HS1BP3: variants seen among roughly 807,000 people sequenced by gnomAD.
HS1BP3 encodes the protein HCLS1 binding protein 3.
Under a neutral mutation model 33.5 loss-of-function variants are expected in HS1BP3, and 32 were observed. That is an observed-to-expected ratio of 0.95 (90% confidence interval 0.72 to 1.28). The LOEUF (loss-of-function observed/expected upper bound fraction) is 1.28. HS1BP3 is among the 50% of genes most tolerant of loss of function. HS1BP3 has a pLI of 0.00. For synonymous variants in HS1BP3, 187 were observed against 209.2 expected (o/e 0.89, Z 0.92); for missense variants, 486 against 502.3 (o/e 0.97, Z 0.31).
intron 1 of HS1BP3, among the ~76,000 whole-genome samples, 196 bp from the exon 2 acceptor site, chr2:20,645,701 G>T (rs13406194): frequency 0.13 from 20,488 of 152,188 alleles, 1,634 homozygotes; most frequent in African/African-American, 0.22. Context: ...AGGCCTCGAG[G>T]CCTCGGACCT....
At chr2:20,564,960 G>A (rs987754354) in intron 5 of HS1BP3, among the ~76,000 whole-genome samples, 8 of 152,232 alleles carry the variant, frequency 5.3e-5, no homozygotes, top group African/African-American at 1.9e-4. Flanking sequence ...TGGCAGACAA[G>A]TAGGCATCGT....
downstream of HS1BP3, among the ~76,000 whole-genome samples, chr2:20,556,593 CA>C (rs1439711899): frequency 6.6e-6 from 1 of 152,146 alleles, no homozygotes; most frequent in Non-Finnish European, 1.5e-5. Context: ...ACTATGATTA[CA>C]AAAACAGTAC....
At chr2:20,593,194 C>A (rs1250062739) in intron 3 of HS1BP3, among the ~76,000 whole-genome samples, 1 of 151,956 alleles carries the variant, frequency 6.6e-6, no homozygotes, top group Non-Finnish European at 1.5e-5. Context: ...CAGGTTTAGT[C>A]AATTGTTTGG....
At chr2:20,566,169 ACTCCTTGGGGAGCC>A (rs1448948049) in intron 5 of HS1BP3, among the ~76,000 whole-genome samples, 1 of 152,140 alleles carries the variant, frequency 6.6e-6, no homozygotes, top group African/African-American at 2.4e-5. Context: ...CAGGGAGTTC[ACTCCTTGGGGAGCC>A]CTTCCTTTGG....
intron 2 of HS1BP3, among the ~76,000 whole-genome samples, chr2:20,608,952 C>G (rs1694258406): frequency 6.6e-6 from 1 of 152,212 alleles, no homozygotes; most frequent in Non-Finnish European, 1.5e-5. Flanking sequence ...AGGCACACTT[C>G]ATAAATGCTG....
intron 4 of HS1BP3, among the ~76,000 whole-genome samples, chr2:20,628,071 G>A (rs1016406917): frequency 1.3e-5 from 2 of 152,296 alleles, no homozygotes; most frequent in East Asian, 1.9e-4. Context: ...CCCTATGTGC[G>A]AAAGCCCCTC....
intron 3 of HS1BP3, chr2:20,640,521 T>G: frequency 2.5e-6 from 1 of 394,002 alleles, no homozygotes; most frequent in East Asian, 3.7e-5. Flanking sequence ...GGGGCACAGG[T>G]GAGAAGCACA....
intron 4 of HS1BP3, among the ~76,000 whole-genome samples, chr2:20,626,566 A>C (rs1007038577): frequency 3.9e-5 from 6 of 152,218 alleles, no homozygotes; most frequent in African/African-American, 7.2e-5. Context: ...CAGGGATAAC[A>C]GGATTGATCC....
chr2:20,554,126 A>G, the HS1BP3 span, among the ~76,000 whole-genome samples: 1 of 152,210 alleles, frequency 6.6e-6, no homozygotes, highest in Non-Finnish European at 1.5e-5. Flanking sequence ...AAGTCTTATA[A>G]TAAGCAGGAA....
At chr2:20,622,606 T>C (rs1356906460) in intron 6 of HS1BP3, 1 of 308,698 alleles carries the variant, frequency 3.2e-6, no homozygotes, top group Non-Finnish European at 6.5e-6. Context: ...TACCACGTTC[T>C]GCAGAACACA....
At chr2:20,577,122 G>T (rs923767938) in intron 5 of HS1BP3, among the ~76,000 whole-genome samples, 1 of 152,240 alleles carries the variant, frequency 6.6e-6, no homozygotes. Flanking sequence ...GGCCTAGATG[G>T]AGATGTGGGG....
At chr2:20,626,731 C>A (rs1694798012) in intron 4 of HS1BP3, among the ~76,000 whole-genome samples, 2 of 152,072 alleles carry the variant, frequency 1.3e-5, no homozygotes, top group African/African-American at 4.8e-5. Flanking sequence ...TGTGCACCAC[C>A]CTCAGGCCCT....
intron 5 of HS1BP3, among the ~76,000 whole-genome samples, chr2:20,573,234 G>A (rs1210832358): frequency 6.6e-6 from 1 of 152,178 alleles, no homozygotes; most frequent in Non-Finnish European, 1.5e-5. Flanking sequence ...GGAGCCTCCA[G>A]AAGCTAGAGG....
At chr2:20,608,679 T>A (rs1193326065) in intron 2 of HS1BP3, among the ~76,000 whole-genome samples, 1 of 151,464 alleles carries the variant, frequency 6.6e-6, no homozygotes, top group East Asian at 1.9e-4. Flanking sequence ...TTCTTGACTC[T>A]CATTGGCTCA....
At chr2:20,592,871 A>T (rs1693850877) in intron 3 of HS1BP3, 1 of 152,236 alleles carries the variant, frequency 6.6e-6, no homozygotes, top group African/African-American at 2.4e-5. Flanking sequence ...TTTCATCCAC[A>T]GATTCCTTTT....
the HS1BP3 span, among the ~76,000 whole-genome samples, chr2:20,555,323 G>A: frequency 4.6e-4 from 70 of 152,326 alleles, no homozygotes; most frequent in Non-Finnish European, 8.2e-4. Flanking sequence ...AGGCAGTTCC[G>A]GCTGCCTAGT....
intron 5 of HS1BP3, among the ~76,000 whole-genome samples, chr2:20,562,587 G>A (rs1213463338): frequency 6.6e-6 from 1 of 152,204 alleles, no homozygotes. Context: ...CCTGCAGAGG[G>A]GGTCACAGGA....
At chr2:20,563,443 C>T (rs1693051134) in intron 5 of HS1BP3, among the ~76,000 whole-genome samples, 1 of 152,220 alleles carries the variant, frequency 6.6e-6, no homozygotes, top group South Asian at 2.1e-4. Context: ...CAGCCTGGCC[C>T]CTGCAATGAG....
chr2:20,634,888 C>A (rs1572353846), intron 4 of HS1BP3: 1 of 152,264 alleles, frequency 6.6e-6, no homozygotes, highest in African/African-American at 2.4e-5. Context: ...TGGGCTCCCC[C>A]TTCCAGGGAG....
Sources: gnomAD v4.1 joint callset for allele counts (sites outside exome capture counted in the v4.1 genomes callset) on GRCh38, gnomAD v4.1.1 for gene constraint, MANE v1.5 for transcripts, NCBI Gene and HGNC (gene_info 2026-07-23, HGNC 2026-07-21) for gene names.